The following HGSNAT variants were observed in gnomAD, a reference collection of about 807,000 sequenced individuals.
HGSNAT encodes transmembrane protein 76.
HGSNAT carries 59 observed loss-of-function variants against 85.2 expected under a neutral mutation model. The ratio of observed to expected loss-of-function variants is 0.69; its 90% CI spans 0.56 to 0.86. The LOEUF is 0.86. Ranked by LOEUF, HGSNAT falls within the 40% of genes least tolerant of loss-of-function variation. HGSNAT has a pLI of 0.00. For synonymous variants in HGSNAT, 321 were observed against 304.5 expected (o/e 1.05, Z -0.56); for missense variants, 756 against 777.1 (o/e 0.97, Z 0.32).
intron 1 of HGSNAT, among the ~76,000 whole-genome samples, chr8:43,146,643 T>C (rs1013972846): frequency 5.3e-5 from 8 of 152,218 alleles, no homozygotes; most frequent in African/African-American, 1.9e-4. Context: ...ATAAGTTCCT[T>C]ACACGATCCT....
chr8:43,192,786 A>C (rs928742912), intron 13 of HGSNAT, among the ~76,000 whole-genome samples: 35 of 152,178 alleles, frequency 2.3e-4, no homozygotes, highest in African/African-American at 8.2e-4. Context: ...AAACAAAAAA[A>C]AAAGCAAGTG....
chr8:43,193,976 C>T (rs1314881798), intron 14 of HGSNAT, 133 bp downstream of exon 14: 20 of 1,437,682 alleles, frequency 1.4e-5, no homozygotes, highest in African/African-American at 4.3e-5. Flanking sequence ...ATTCTGTTAT[C>T]TTTGACAGAT....
rs890098520 is a variant in HGSNAT, at chr8:43,172,472, A to G, written c.820+86A>G. 4 of 988,050 alleles carry G rather than the reference A, an allele frequency of 4.0e-6. No individual in the cohort carries two copies. The East Asian group carries it at 9.6e-5, about 24-fold the overall frequency. 61.2% of individuals were successfully genotyped at this position (988,050 alleles called of 1,614,324 possible). On this transcript the variant is annotated intron_variant, in intron 8 of 17. Coordinates refer to ENST00000379644, the MANE Select transcript of HGSNAT (RefSeq NM_152419.3). ...GAGAATCACTCAGCATTCTCCCCAGAAACTCCAGAAATGAGCCCCAGCAGC... is the reference window on the plus strand; with the variant it reads ...GAGAATCACTCAGCATTCTCCCCAGGAACTCCAGAAATGAGCCCCAGCAGC...
At chr8:43,192,178 T>C (rs899607133) in intron 12 of HGSNAT, 126 bp from the exon 13 acceptor site, 1 of 1,053,822 alleles carries the variant, frequency 9.5e-7, no homozygotes, top group Non-Finnish European at 1.3e-6. Context: ...TCTGCCCGCC[T>C]TGGCCTCCCA....
intron 11 of HGSNAT, among the ~76,000 whole-genome samples, chr8:43,183,652 A>C (rs1804211337): frequency 6.6e-6 from 1 of 151,996 alleles, no homozygotes; most frequent in Non-Finnish European, 1.5e-5. Context: ...TTTTTAAATT[A>C]TCCTTTAAGT....
intron 14 of HGSNAT, among the ~76,000 whole-genome samples, chr8:43,195,178 C>T (rs1409436776): frequency 2.0e-5 from 3 of 152,026 alleles, no homozygotes; most frequent in African/African-American, 4.8e-5. Flanking sequence ...TGGAACACCT[C>T]GGGGCATGGG....
At chr8:43,195,698 TGTGGAGGAGGAGGAGGAAGAGGAG>T (rs1804699986) in intron 14 of HGSNAT, 11 of 26,810 alleles carry the variant, frequency 4.1e-4, no homozygotes, top group East Asian at 1.4e-3. Flanking sequence ...AGGAGGAGGG[TGTGGAGGAGGAGGAGGAAGAGGAG>T]GAGGGGGTAG....
chr8:43,169,753 G>A (rs1803553602), intron 6 of HGSNAT, among the ~76,000 whole-genome samples: 1 of 152,198 alleles, frequency 6.6e-6, no homozygotes, highest in Admixed American at 6.5e-5. Context: ...GGCAGGAAAA[G>A]CTGATAAAGT....
rs1803331116 is a variant in HGSNAT, at chr8:43,163,436, T to C, written c.563+1929T>C. On this transcript the variant is annotated intron_variant, in intron 5 of 17. Coordinates refer to ENST00000379644, the MANE Select transcript of HGSNAT (RefSeq NM_152419.3). ...AAGTCGAGAGAATAAAGAGCCCCTC[T>C]CTTTTTCACTTAGGCAACAAGCATG... 2.0e-5 allele frequency among the ~76,000 whole-genome samples: 3 copies of C among 152,054 alleles called. No individual in the cohort carries two copies. In the South Asian group the frequency reaches 6.2e-4, roughly 32 times the overall value.
At chr8:43,193,263 T>C (rs1042019904) in intron 13 of HGSNAT, among the ~76,000 whole-genome samples, 8 of 152,332 alleles carry the variant, frequency 5.3e-5, no homozygotes, top group South Asian at 2.1e-4. Flanking sequence ...AGCACCTAAT[T>C]ACACTGTTCA....
chr8:43,183,051 T>C (rs1298497850), intron 11 of HGSNAT, among the ~76,000 whole-genome samples: 7 of 152,244 alleles, frequency 4.6e-5, no homozygotes, highest in African/African-American at 1.7e-4. Flanking sequence ...CTGTGTATCA[T>C]ACAGTGTGTA....
chr8:43,150,351 C>T (rs762410710), intron 2 of HGSNAT, among the ~76,000 whole-genome samples: 1 of 152,052 alleles, frequency 6.6e-6, no homozygotes, highest in African/African-American at 2.4e-5. Flanking sequence ...CTGAGCCCTG[C>T]GAGGTAGTTC....
At chr8:43,142,694 G>T (rs1195887949) in intron 1 of HGSNAT, among the ~76,000 whole-genome samples, 1 of 152,100 alleles carries the variant, frequency 6.6e-6, no homozygotes, top group Non-Finnish European at 1.5e-5. Flanking sequence ...CTGGAATGGG[G>T]CCAGGGCATT....
intron 11 of HGSNAT, among the ~76,000 whole-genome samples, chr8:43,185,883 C>A (rs1804290252): frequency 1.3e-5 from 2 of 152,198 alleles, no homozygotes; most frequent in African/African-American, 4.8e-5. Flanking sequence ...TTTTCTGCAT[C>A]TATTGAGATA....
intron 4 of HGSNAT, among the ~76,000 whole-genome samples, chr8:43,159,289 T>A (rs1444474188): frequency 1.3e-5 from 2 of 152,174 alleles, no homozygotes; most frequent in African/African-American, 4.8e-5. Flanking sequence ...TTATGTGACA[T>A]TAAAAAATTA....
intron 12 of HGSNAT, 87 bp from the exon 13 acceptor site, chr8:43,192,217 C>T (rs1004090757): frequency 1.4e-5 from 21 of 1,451,770 alleles, no homozygotes; most frequent in East Asian, 7.6e-5. Flanking sequence ...CGTGAGCCAC[C>T]GTGCCCGGCC....
At chr8:43,144,988 C>G (rs1802667096) in intron 1 of HGSNAT, among the ~76,000 whole-genome samples, 1 of 152,192 alleles carries the variant, frequency 6.6e-6, no homozygotes, top group Non-Finnish European at 1.5e-5. Flanking sequence ...GAAGTTCAAA[C>G]AGCACCACTG....
intron 15 of HGSNAT, 73 bp from the exon 16 acceptor site, chr8:43,197,599 T>A (rs1277942893): frequency 6.8e-6 from 7 of 1,030,506 alleles, no homozygotes; most frequent in African/African-American, 1.6e-5. Context: ...AACTAATATA[T>A]ATTGGTGTTG....
At chr8:43,183,511 G>T (rs935089504) in intron 11 of HGSNAT, among the ~76,000 whole-genome samples, 1 of 139,208 alleles carries the variant, frequency 7.2e-6, no homozygotes, top group South Asian at 2.4e-4. Flanking sequence ...TGCTCTGTCC[G>T]CCAGGCTGGA....
Sources: gnomAD v4.1 joint callset for allele counts (sites outside exome capture counted in the v4.1 genomes callset) on GRCh38, gnomAD v4.1.1 for gene constraint, MANE v1.5 for transcripts, NCBI Gene and HGNC (gene_info 2026-07-23, HGNC 2026-07-21) for gene names.